Variants in SERPIND1 observed in about 807,000 individuals in gnomAD.
The protein encoded by SERPIND1 is serpin family D member 1, also known as heparin cofactor 2.
A neutral mutation model predicts 35.0 loss-of-function variants in SERPIND1; 34 were observed. That is an observed-to-expected ratio of 0.97 (90% confidence interval 0.74 to 1.29). SERPIND1 has a LOEUF of 1.29. SERPIND1 is among the 50% of genes most tolerant of loss of function. SERPIND1 has a pLI of 0.00. For missense variants in SERPIND1, 633 were observed against 637.7 expected (o/e 0.99, Z 0.08); for synonymous variants, 236 against 241.1 (o/e 0.98, Z 0.19).
chr22:20,779,462 G>A lies in SERPIND1; in HGVS notation c.150G>A (p.Leu50=). Residue 50 remains leucine (L), a synonymous_variant, in exon 2 of 5, where the codon CTG becomes CTA. Coordinates refer to ENST00000215727, the MANE Select transcript of SERPIND1 (RefSeq NM_000185.4). ...PQWEQLNNKN[L]SMPLLPADFH... is the part of the protein sequence containing the mutation. ...GGGAGCAGTTAAATAACAAAAACCT[G>A]AGCATGCCTCTTCTCCCTGCCGACT... The A allele has an allele frequency of 6.2e-7, 1 of 1,614,152 alleles. No individual in the cohort carries two copies. Among genetic ancestry groups the A allele is most frequent in the Non-Finnish European group, 8.5e-7 (1 of 1,180,002 alleles).
At position 20,784,145 on chromosome 22, in the gene SERPIND1, A is replaced by G. The variant is rs1169408702; in HGVS notation, c.1063A>G (p.Met355Val). Residue 355 changes from methionine to valine, a missense_variant, in exon 3 of 5, where the codon ATG (methionine) becomes GTG (valine). Met to Val is a conservative substitution (Grantham distance 21, BLOSUM62 1). Coordinates refer to ENST00000215727, the MANE Select transcript of SERPIND1 (RefSeq NM_000185.4). The part of the protein sequence containing the change: ...LQLEYVGGIS[M>V]LIVVPHKMSG... ...GCTGGAATACGTGGGGGGCATCAGC[A>G]TGCTAATTGTGGTCCCACACAAGAT... is the stretch of plus-strand genomic sequence containing the variant. The G allele has an allele frequency of 6.2e-7, 1 of 1,614,066 alleles. No homozygotes were observed. The highest frequency in any genetic ancestry group is 1.3e-5 in the African/African-American group (1 of 74,922).
At position 20,779,784 on chromosome 22, in the gene SERPIND1, A is replaced by G. The variant is rs777634256; in HGVS notation, c.472A>G (p.Ile158Val). Residue 158 changes from isoleucine (I) to valine (V), a missense_variant, in exon 2 of 5, where the codon ATT (isoleucine) becomes GTT (valine). Transcript: ENST00000215727. ...FDNIFIAPVG[I>V]STAMGMISLG... ...TAACATCTTCATAGCACCCGTTGGC[A>G]TTTCTACTGCGATGGGTATGATTTC... 13 of 1,614,228 alleles carry G rather than the reference A, an allele frequency of 8.1e-6. No individual in the cohort carries two copies. Among genetic ancestry groups the G allele is most frequent in the South Asian group, 1.1e-5 (1 of 91,088 alleles).
chr22:20,783,532 C>T (rs1294840893), intron 2 of SERPIND1, among the ~76,000 whole-genome samples: 2 of 151,880 alleles, frequency 1.3e-5, no homozygotes, highest in Non-Finnish European at 2.9e-5. Context: ...CAGGAGGATT[C>T]CTTGAGCCTG....
In SERPIND1 at chr22:20,784,195, G is replaced by T. The variant is rs148086470; in HGVS notation, c.1113G>T (p.Ala371=). ...TGTCTGGGATGAAGACCCTCGAAGC[G>T]CAACTGACACCCCGGGTGGTGGAGA... The part of the protein sequence containing the change: ...HKMSGMKTLE[A]QLTPRVVERW... The change falls in exon 3 of 5, where the codon GCG becomes GCT. Residue 371 remains alanine, a synonymous_variant. Transcript: ENST00000215727. The T allele has an allele frequency of 6.2e-7, 1 of 1,614,158 alleles. No individual in the cohort carries two copies. Among genetic ancestry groups the T allele is most frequent in the East Asian group, 2.2e-5 (1 of 44,890 alleles).
At chr22:20,776,013 C>G (rs749863478) in intron 1 of SERPIND1, among the ~76,000 whole-genome samples, 1 of 152,124 alleles carries the variant, frequency 6.6e-6, no homozygotes, top group Non-Finnish European at 1.5e-5. Flanking sequence ...CTATTTGCAG[C>G]TACATACATT....
intron 2 of SERPIND1, among the ~76,000 whole-genome samples, chr22:20,781,314 G>A (rs957875133): frequency 6.6e-6 from 1 of 152,204 alleles, no homozygotes. Context: ...GGGGAAACAC[G>A]AGGAATGGTT....
At chr22:20,786,765 C>T (rs765480597) in intron 4 of SERPIND1, 110 bp from the exon 5 acceptor site, 1 of 1,112,092 alleles carries the variant, frequency 9.0e-7, no homozygotes, top group East Asian at 2.4e-5. Context: ...GTGATTTCCA[C>T]CTTACATGTT....
chr22:20,777,269 T>G (rs1223262367), intron 1 of SERPIND1, among the ~76,000 whole-genome samples: 1 of 151,434 alleles, frequency 6.6e-6, no homozygotes, highest in Non-Finnish European at 1.5e-5. Context: ...CAGGCTGGAG[T>G]GCAATGGTGC....
At position 20,786,023 on chromosome 22, in the gene SERPIND1, C is replaced by T. The variant is rs1039754220; in HGVS notation, c.1183C>T (p.Pro395Ser). 7 of 1,614,148 alleles carry T rather than the reference C, an allele frequency of 4.3e-6. No individual in the cohort carries two copies. Among genetic ancestry groups the T allele is most frequent in the Non-Finnish European group, 5.1e-6 (6 of 1,180,036 alleles). Reference protein sequence around the residue: ...MTNRTREVLLPKFKLEKNYNL... With the variant: ...MTNRTREVLLSKFKLEKNYNL... ...GTCTAGAACTCGAGAAGTGCTTCTG[C>T]CGAAATTCAAGCTGGAGAAGAACTA... Residue 395 changes from proline to serine, a missense_variant, in exon 4 of 5, where the codon CCG becomes TCG. By Grantham distance (74) the Pro-to-Ser change is moderately conservative. Transcript: ENST00000215727.
intron 3 of SERPIND1, 114 bp from the exon 4 acceptor site, chr22:20,785,890 G>C (rs548758030): frequency 1.4e-6 from 2 of 1,403,806 alleles, no homozygotes; most frequent in Admixed American, 3.4e-5. Flanking sequence ...ATTTTAATAA[G>C]TGCTATATCA....
In SERPIND1 at chr22:20,779,952, T is replaced by C. The variant is rs747436379; in HGVS notation, c.640T>C (p.Phe214Leu). 3.1e-6 allele frequency: 5 copies of C among 1,614,186 alleles called. No individual in the cohort carries two copies. The Admixed American group carries it at 8.3e-5, about 27-fold the overall frequency. The part of the protein sequence containing the change: ...KLTHRLFRRN[F>L]GYTLRSVNDL... ...GACTCATCGCCTCTTCAGGAGGAAT[T>C]TTGGGTACACACTGCGGTCAGTCAA... Residue 214 changes from phenylalanine to leucine, a missense_variant, in exon 2 of 5, where the codon TTT becomes CTT. Coordinates refer to ENST00000215727, the MANE Select transcript of SERPIND1 (RefSeq NM_000185.4).
chr22:20,774,631 C>A (rs548191014), intron 1 of SERPIND1, among the ~76,000 whole-genome samples: 1 of 151,856 alleles, frequency 6.6e-6, no homozygotes, highest in Non-Finnish European at 1.5e-5. Flanking sequence ...CGTGGTGGCA[C>A]GCGCCTGTAA....
intron 3 of SERPIND1, among the ~76,000 whole-genome samples, chr22:20,785,746 C>A (rs1184487075): frequency 1.3e-5 from 2 of 152,054 alleles, no homozygotes; most frequent in Non-Finnish European, 2.9e-5. Context: ...CTGCTGCTAA[C>A]CTTGAAGATA....
chr22:20,785,829 T>C (rs117300316), intron 3 of SERPIND1, among the ~76,000 whole-genome samples, 175 bp from the exon 4 acceptor site: 4,517 of 152,290 alleles, frequency 0.03, 88 homozygotes, highest in Middle Eastern at 0.061. Flanking sequence ...GTAGCGGAAT[T>C]ACAAAGGAGT....
intron 2 of SERPIND1, 31 bp from the exon 3 acceptor site, chr22:20,783,941 T>G (rs768002837): frequency 1.2e-6 from 2 of 1,614,154 alleles, no homozygotes; most frequent in Non-Finnish European, 1.7e-6. Flanking sequence ...AGGAACCTTC[T>G]CATAACAGCC....
intron 1 of SERPIND1, among the ~76,000 whole-genome samples, chr22:20,775,333 A>T (rs1280259707): frequency 6.6e-6 from 1 of 152,260 alleles, no homozygotes; most frequent in African/African-American, 2.4e-5. Context: ...ACTAAATAGC[A>T]AAACATCAGG....
intron 2 of SERPIND1, among the ~76,000 whole-genome samples, chr22:20,783,435 TAAAAA>T (rs362069): frequency 7.3e-6 from 1 of 136,066 alleles, no homozygotes. Flanking sequence ...CATCTACAAT[TAAAAA>T]AAAAAAAAAA....
chr22:20,785,567 T>C (rs906294900), intron 3 of SERPIND1, among the ~76,000 whole-genome samples: 1 of 152,178 alleles, frequency 6.6e-6, no homozygotes, highest in African/African-American at 2.4e-5. Flanking sequence ...GAGGCAAAGA[T>C]TGAGAATATT....
rs1463414334 is a variant in SERPIND1 at position 20,779,858 on chromosome 22, T to C, written c.546T>C (p.His182=). ...ATGAACAAGTGCACTCGATTTTGCA[T>C]TTTAAAGACTTTGTTAATGCCAGCA... ...ETHEQVHSIL[H]FKDFVNASSK... The change falls in exon 2 of 5, where the codon CAT becomes CAC. Residue 182 remains histidine, a synonymous_variant. Coordinates refer to ENST00000215727, the MANE Select transcript of SERPIND1 (RefSeq NM_000185.4). 3 of 1,614,220 alleles carry C rather than the reference T, an allele frequency of 1.9e-6. No homozygotes were observed. In the East Asian group the frequency reaches 6.7e-5, roughly 36 times the overall value.
Sources: gnomAD v4.1 joint callset for allele counts (sites outside exome capture counted in the v4.1 genomes callset) on GRCh38, gnomAD v4.1.1 for gene constraint, MANE v1.5 for transcripts, NCBI Gene and HGNC (gene_info 2026-07-23, HGNC 2026-07-21) for gene names.